KIAA1217: variants seen among roughly 807,000 people sequenced by gnomAD.
The protein encoded by KIAA1217 is sickle tail protein homolog.
In KIAA1217, 88 loss-of-function variants were observed where a neutral mutation model predicts 163.9. The observed-to-expected ratio is 0.54, with a 90% CI of 0.45 to 0.64. The LOEUF (loss-of-function observed/expected upper bound fraction) is 0.64. Among genes scored for constraint, KIAA1217 ranks in the 30% least tolerant of loss-of-function variants. The pLI is 0.00. For synonymous variants in KIAA1217, 903 were observed against 923.1 expected (o/e 0.98, Z 0.39); for missense variants, 2,372 against 2,475.0 (o/e 0.96, Z 0.88).
At chr10:24,342,921 T>C (rs1247481155) in intron 2 of KIAA1217, among the ~76,000 whole-genome samples, 2 of 152,194 alleles carry the variant, frequency 1.3e-5, no homozygotes, top group Non-Finnish European at 2.9e-5. Flanking sequence ...CCTCCAAAAG[T>C]GCTGGGATTA....
intron 1 of KIAA1217, among the ~76,000 whole-genome samples, chr10:23,923,620 G>A (rs903621084): frequency 7.1e-6 from 1 of 141,278 alleles, no homozygotes; most frequent in Non-Finnish European, 1.5e-5. Flanking sequence ...GAAGAAGGAG[G>A]AAGGGGTTGC....
rs114817781 is a variant in KIAA1217, at chr10:24,262,291, G to C, written c.354+42382G>C. ...TGGCATGTGTTACCAATTAAGTAGA[G>C]AGGTGGCTGCTGTTTTAGAGGCTTG... On this transcript the variant is annotated intron_variant, in intron 2 of 20. Transcript: ENST00000376454. Among the ~76,000 whole-genome samples the C allele has an allele frequency of 5.0e-3, 763 of 152,220 alleles. 2 individuals are homozygous for C. The highest frequency in any genetic ancestry group is 0.018 in the African/African-American group (737 of 41,538).
intron 5 of KIAA1217, among the ~76,000 whole-genome samples, chr10:24,444,052 C>T (rs2060716671): frequency 6.6e-6 from 1 of 152,062 alleles, no homozygotes; most frequent in South Asian, 2.1e-4. Flanking sequence ...CACTCTGTCA[C>T]CGGGCTGGAG....
intron 2 of KIAA1217, among the ~76,000 whole-genome samples, chr10:24,249,541 G>A (rs1352580606): frequency 6.6e-6 from 1 of 152,096 alleles, no homozygotes; most frequent in Non-Finnish European, 1.5e-5. Flanking sequence ...TTTTCTTCCT[G>A]CAAATATTAA....
At chr10:24,115,755 G>A (rs2063026690) in intron 2 of KIAA1217, among the ~76,000 whole-genome samples, 1 of 152,292 alleles carries the variant, frequency 6.6e-6, no homozygotes, top group South Asian at 2.1e-4. Flanking sequence ...GCGCCACCAG[G>A]TAGGATGGCC....
At chr10:24,445,636 T>C (rs1247132080) in intron 5 of KIAA1217, among the ~76,000 whole-genome samples, 1 of 150,012 alleles carries the variant, frequency 6.7e-6, no homozygotes, top group Non-Finnish European at 1.5e-5. Context: ...CGGTCTTTGG[T>C]TTTTTGTCCT....
intron 2 of KIAA1217, among the ~76,000 whole-genome samples, chr10:24,368,474 T>C (rs2051104680): frequency 6.6e-6 from 1 of 152,032 alleles, no homozygotes; most frequent in South Asian, 2.1e-4. Context: ...TTTTTCCATA[T>C]CAGCAAATAA....
chr10:24,520,234 G>A lies in KIAA1217; in HGVS notation c.2289G>A (p.Glu763=). 2 of 1,614,146 alleles carry A rather than the reference G, an allele frequency of 1.2e-6. No homozygotes were observed. The highest frequency in any genetic ancestry group is 1.7e-5 in the Admixed American group (1 of 60,016). ...DGAFLLRQVG[E]AVATLKGEFP... is the part of the protein sequence containing the mutation. ...CTTTCCTCCTGCGTCAAGTGGGAGA[G>A]GCTGTAGCTACCCTGAAAGGTAAAC... Residue 763 remains glutamate (E), a synonymous_variant, in exon 11 of 21, where the codon GAG becomes GAA. Coordinates refer to ENST00000376454, the MANE Select transcript of KIAA1217 (RefSeq NM_019590.5).
intron 3 of KIAA1217, among the ~76,000 whole-genome samples, chr10:24,408,865 T>C (rs2131284073): frequency 6.6e-6 from 1 of 152,122 alleles, no homozygotes; most frequent in South Asian, 2.1e-4. Context: ...CCACCTGATA[T>C]AGTATACGCT....
intron 1 of KIAA1217, among the ~76,000 whole-genome samples, chr10:23,721,228 G>A (rs1379706404): frequency 2.0e-5 from 3 of 152,176 alleles, no homozygotes; most frequent in Non-Finnish European, 2.9e-5. Context: ...CACTCACAGT[G>A]AGAATCCACT....
At chr10:24,438,215 C>T (rs1196972386) in intron 4 of KIAA1217, among the ~76,000 whole-genome samples, 171 bp from the exon 5 acceptor site, 5 of 152,014 alleles carry the variant, frequency 3.3e-5, no homozygotes, top group African/African-American at 1.2e-4. Context: ...TTCTTCTTTT[C>T]CGTATTTATA....
Position 24,260,586 on chromosome 10 carries a change from C to CAAA in KIAA1217, c.354+40696_354+40698dup, listed in dbSNP as rs11352927. On this transcript the variant is annotated intron_variant, in intron 2 of 20. Coordinates refer to ENST00000376454, the MANE Select transcript of KIAA1217 (RefSeq NM_019590.5). Reference sequence around the variant, plus strand: ...GCAACTTTGTGAGACCTCATCTCTACAAAAAAAAAAAAAAAAAAAAAGCCA... The same window carrying CAAA: ...GCAACTTTGTGAGACCTCATCTCTACAAAAAAAAAAAAAAAAAAAAAAAAGCCA... Among the ~76,000 whole-genome samples the CAAA allele has an allele frequency of 2.4e-3, 146 of 61,100 alleles. 5 individuals are homozygous for CAAA. The highest frequency in any genetic ancestry group is 6.6e-3 in the African/African-American group (111 of 16,716). The allele number at this position is 61,100 out of a possible 152,430, so 40.1% of individuals were successfully genotyped here.
intron 1 of KIAA1217, among the ~76,000 whole-genome samples, chr10:23,987,356 G>A (rs1277090657): frequency 1.7e-5 from 2 of 120,084 alleles, no homozygotes; most frequent in Non-Finnish European, 3.2e-5. Flanking sequence ...CAGCCTGGGC[G>A]ACACAGCGAG....
intron 2 of KIAA1217, among the ~76,000 whole-genome samples, chr10:24,256,659 A>G (rs140453878): frequency 6.6e-6 from 1 of 152,360 alleles, no homozygotes; most frequent in African/African-American, 2.4e-5. Context: ...ACATTTTAGT[A>G]GAAACTGTTA....
At position 23,934,575 on chromosome 10, in the gene KIAA1217, A is replaced by ATGTG. The variant is rs1420302818; in HGVS notation, c.-320-72649_-320-72648insGTGT. ...CTTTAAAGTATATATATATATATAT[A>ATGTG]TATATATATATATATGTATATATAT... On this transcript the variant is annotated intron_variant, in intron 1 of 18. Coordinates refer to the KIAA1217 transcript ENST00000376462. Among the ~76,000 whole-genome samples, 128 of 65,898 alleles carry ATGTG rather than the reference A, an allele frequency of 1.9e-3. 3 individuals carry two copies. The highest frequency in any genetic ancestry group is 0.011 in the African/African-American group (89 of 7,788). 43.2% of individuals were successfully genotyped at this position (65,898 alleles called of 152,430 possible). A position where few individuals can be genotyped will look rare whatever the true frequency, so the allele number is the denominator to read the frequency against.
intron 1 of KIAA1217, among the ~76,000 whole-genome samples, chr10:23,774,405 G>A (rs527986866): frequency 6.6e-6 from 1 of 152,308 alleles, no homozygotes; most frequent in Admixed American, 6.5e-5. Flanking sequence ...GTACTTCAGA[G>A]GGTGTCACTG....
At chr10:24,015,907 T>TA (rs370699659) in intron 2 of KIAA1217, among the ~76,000 whole-genome samples, 74 of 144,948 alleles carry the variant, frequency 5.1e-4, no homozygotes, top group East Asian at 1.6e-3. Context: ...TTGCGTAGGG[T>TA]AAAAAAAAAA....
chr10:24,339,461 G>A (rs1186608437), intron 2 of KIAA1217, among the ~76,000 whole-genome samples: 1 of 152,178 alleles, frequency 6.6e-6, no homozygotes, highest in African/African-American at 2.4e-5. Context: ...AAAGTAACAT[G>A]TTTGAAGCTC....
At chr10:24,455,505 C>T (rs1280913193) in intron 5 of KIAA1217, among the ~76,000 whole-genome samples, 1 of 152,130 alleles carries the variant, frequency 6.6e-6, no homozygotes, top group South Asian at 2.1e-4. Flanking sequence ...CACCCAGTTC[C>T]CTGTTTTTGA....
Sources: gnomAD v4.1 joint callset for allele counts (sites outside exome capture counted in the v4.1 genomes callset) on GRCh38, gnomAD v4.1.1 for gene constraint, MANE v1.5 for transcripts, NCBI Gene and HGNC (gene_info 2026-07-23, HGNC 2026-07-21) for gene names.